The following SORCS2 variants were observed in gnomAD, a reference collection of about 807,000 sequenced individuals.
SORCS2 encodes the protein sortilin related VPS10 domain containing receptor 2.
Under a neutral mutation model 141.6 loss-of-function variants are expected in SORCS2, and 100 were observed. That is an observed-to-expected ratio of 0.71 (90% CI 0.60 to 0.83). SORCS2 has a LOEUF of 0.83. Ranked by LOEUF, SORCS2 falls within the 40% of genes least tolerant of loss-of-function variation. The pLI, the probability that SORCS2 is intolerant of heterozygous loss-of-function variation, is 0.00. For missense variants in SORCS2, 1,646 were observed against 1,560.2 expected (o/e 1.05, Z -0.93); for synonymous variants, 789 against 676.9 (o/e 1.17, Z -2.57).
chr4:7,706,520 C>A (rs1725472622), intron 14 of SORCS2, among the ~76,000 whole-genome samples: 1 of 141,062 alleles, frequency 7.1e-6, no homozygotes, highest in Non-Finnish European at 1.5e-5. Context: ...AGGGATGAGG[C>A]TGGGCTCTGT....
At chr4:7,737,645 C>A (rs188260824) in intron 26 of SORCS2, among the ~76,000 whole-genome samples, 2 of 152,306 alleles carry the variant, frequency 1.3e-5, no homozygotes, top group African/African-American at 4.8e-5. Context: ...TGAAGCATTT[C>A]CACTGATGGG....
chr4:7,359,951 C>T (rs577647276), intron 1 of SORCS2, among the ~76,000 whole-genome samples: 1 of 152,154 alleles, frequency 6.6e-6, no homozygotes, highest in Non-Finnish European at 1.5e-5. Context: ...AGGAACCCAA[C>T]AGTAATAATA....
At chr4:7,491,721 C>T (rs1731326036) in intron 2 of SORCS2, among the ~76,000 whole-genome samples, 1 of 152,188 alleles carries the variant, frequency 6.6e-6, no homozygotes, top group South Asian at 2.1e-4. Flanking sequence ...CCTCTGAGCC[C>T]CTCTGCACAG....
chr4:7,464,254 C>T (rs1162780141), intron 2 of SORCS2, among the ~76,000 whole-genome samples: 3 of 152,208 alleles, frequency 2.0e-5, no homozygotes, highest in African/African-American at 7.2e-5. Flanking sequence ...CTAACTCTAG[C>T]TGGAGAAGCC....
At chr4:7,287,770 C>T (rs948834155) in intron 1 of SORCS2, among the ~76,000 whole-genome samples, 9 of 152,288 alleles carry the variant, frequency 5.9e-5, no homozygotes, top group African/African-American at 2.2e-4. Context: ...TGTGGGCGGG[C>T]GTGGGTCTGC....
At chr4:7,317,972 A>C (rs1420170940) in intron 1 of SORCS2, among the ~76,000 whole-genome samples, 1 of 152,224 alleles carries the variant, frequency 6.6e-6, no homozygotes, top group Admixed American at 6.5e-5. Flanking sequence ...AACTTCCAGC[A>C]AACGTCTGGA....
At chr4:7,466,773 G>A (rs949232105) in intron 2 of SORCS2, among the ~76,000 whole-genome samples, 8 of 152,202 alleles carry the variant, frequency 5.3e-5, no homozygotes, top group African/African-American at 9.7e-5. Context: ...CTGGCTGGGC[G>A]ATTCCCTAAG....
intron 2 of SORCS2, chr4:7,433,484 CCTT>C (rs1727034246): frequency 6.3e-7 from 1 of 1,586,264 alleles, no homozygotes; most frequent in African/African-American, 1.3e-5. Flanking sequence ...CAGGCCCCCA[CCTT>C]CTTGCACACA....
chr4:7,382,574 A>G (rs1054167928), intron 1 of SORCS2, among the ~76,000 whole-genome samples: 1 of 152,246 alleles, frequency 6.6e-6, no homozygotes, highest in Non-Finnish European at 1.5e-5. Context: ...GAAAGGGGGT[A>G]GAAAATGATG....
chr4:7,538,829 T>G (rs188260306), intron 3 of SORCS2, among the ~76,000 whole-genome samples: 80 of 152,344 alleles, frequency 5.3e-4, no homozygotes, highest in African/African-American at 1.7e-3. Context: ...CACTCAGGAC[T>G]GAGCAATGAA....
In SORCS2 at chr4:7,312,133, C is replaced by A. The variant is rs545026210; in HGVS notation, c.481-84155C>A. Among the ~76,000 whole-genome samples the A allele has an allele frequency of 5.9e-5, 9 of 152,322 alleles. No individual in the cohort carries two copies. In the East Asian group the frequency reaches 1.7e-3, roughly 29 times the overall value. On this transcript the variant is annotated intron_variant, in intron 1 of 26. Coordinates refer to ENST00000507866, the MANE Select transcript of SORCS2 (RefSeq NM_020777.3). ...CCTGTGATCCGCCCACCTTGGCCTC[C>A]CAAAGTGCTGGGATTATAGGCATGA...
chr4:7,240,908 T>G (rs1712648857), intron 1 of SORCS2, among the ~76,000 whole-genome samples: 1 of 152,166 alleles, frequency 6.6e-6, no homozygotes, highest in South Asian at 2.1e-4. Context: ...AATTTGAATT[T>G]TAGATAAGCA....
chr4:7,289,800 C>A (rs1470855460), intron 1 of SORCS2, among the ~76,000 whole-genome samples: 1 of 152,224 alleles, frequency 6.6e-6, no homozygotes, highest in Non-Finnish European at 1.5e-5. Context: ...ATTTGCACAT[C>A]CCAAATAGAG....
chr4:7,303,968 T>A (rs1052493212), intron 1 of SORCS2, among the ~76,000 whole-genome samples: 1 of 152,252 alleles, frequency 6.6e-6, no homozygotes, highest in Non-Finnish European at 1.5e-5. Context: ...ACATGTGTGA[T>A]TTTGTGGGAT....
intron 13 of SORCS2, 54 bp downstream of exon 13, chr4:7,703,425 T>G: frequency 6.8e-7 from 1 of 1,469,366 alleles, no homozygotes; most frequent in Non-Finnish European, 9.3e-7. Flanking sequence ...GCTCTTTCTT[T>G]CCACCTGGGA....
At chr4:7,427,897 A>C (rs559016484) in intron 2 of SORCS2, among the ~76,000 whole-genome samples, 1 of 151,994 alleles carries the variant, frequency 6.6e-6, no homozygotes, top group Non-Finnish European at 1.5e-5. Context: ...TCACATTTCA[A>C]CACCAGCTTT....
intron 20 of SORCS2, 128 bp downstream of exon 20, chr4:7,725,415 G>A (rs1727148944): frequency 7.4e-7 from 1 of 1,342,756 alleles, no homozygotes; most frequent in Non-Finnish European, 9.9e-7. Context: ...TCACCCTTGG[G>A]CCCCTCCTGG....
chr4:7,331,445 CAG>C (rs1258195165), intron 1 of SORCS2, among the ~76,000 whole-genome samples: 1 of 152,112 alleles, frequency 6.6e-6, no homozygotes, highest in Non-Finnish European at 1.5e-5. Flanking sequence ...CTGGGAGTGA[CAG>C]TACCCACGCG....
chr4:7,602,535 G>C (rs917842090), intron 3 of SORCS2, among the ~76,000 whole-genome samples: 1 of 151,254 alleles, frequency 6.6e-6, no homozygotes, highest in Non-Finnish European at 1.5e-5. Context: ...GGGCAGAGAC[G>C]CTCCTCACTT....
Sources: gnomAD v4.1 joint callset for allele counts (sites outside exome capture counted in the v4.1 genomes callset) on GRCh38, gnomAD v4.1.1 for gene constraint, MANE v1.5 for transcripts, NCBI Gene and HGNC (gene_info 2026-07-23, HGNC 2026-07-21) for gene names.